Variants in CATSPERE observed in about 807,000 individuals in gnomAD.
The protein encoded by CATSPERE is catsper channel auxiliary subunit epsilon.
Under a neutral mutation model 114.1 loss-of-function variants are expected in CATSPERE, and 93 were observed. The observed-to-expected ratio is 0.81, with a 90% CI of 0.69 to 0.97. The LOEUF (loss-of-function observed/expected upper bound fraction) is 0.97. Ranked by LOEUF, CATSPERE falls within the 50% of genes least tolerant of loss-of-function variation. CATSPERE has a pLI of 0.00. For synonymous variants in CATSPERE, 341 were observed against 384.1 expected (o/e 0.89, Z 1.31); for missense variants, 1,058 against 1,131.6 (o/e 0.93, Z 0.93).
At chr1:244,475,256 TTC>T in intron 2 of CATSPERE, among the ~76,000 whole-genome samples, 1 of 152,064 alleles carries the variant, frequency 6.6e-6, no homozygotes, top group South Asian at 2.1e-4. Context: ...TTTTTTTTTT[TTC>T]TGTCTCACTC....
At chr1:244,453,131 C>T (rs140459495), upstream of CATSPERE, among the ~76,000 whole-genome samples, 9 of 152,246 alleles carry the variant, frequency 5.9e-5, no homozygotes, top group East Asian at 1.7e-3. Context: ...ACAATTCAGC[C>T]CTCAAGGATT....
At chr1:244,576,790 G>C (rs1467141618) in intron 11 of CATSPERE, among the ~76,000 whole-genome samples, 1 of 152,078 alleles carries the variant, frequency 6.6e-6, no homozygotes, top group African/African-American at 2.4e-5. Context: ...TAGTGAGCCT[G>C]CTATCTGATA....
intron 8 of CATSPERE, among the ~76,000 whole-genome samples, chr1:244,531,650 G>T (rs1462273845): frequency 6.6e-6 from 1 of 151,878 alleles, no homozygotes; most frequent in Non-Finnish European, 1.5e-5. Context: ...TGCATATGTT[G>T]AACCATCCTT....
exon 1 of CATSPERE, chr1:244,454,610 G>A (rs1665956826): frequency 6.7e-6 from 1 of 150,204 alleles, no homozygotes; most frequent in African/African-American, 2.5e-5. Flanking sequence ...TGCCGGCACA[G>A]AGGGTATGAA....
intron 19 of CATSPERE, among the ~76,000 whole-genome samples, chr1:244,614,167 GC>G: frequency 6.6e-6 from 1 of 152,274 alleles, no homozygotes; most frequent in Middle Eastern, 3.4e-3. Context: ...TCTGTTAAAA[GC>G]AACAGAAAAC....
At chr1:244,542,475 C>T (rs745607711) in intron 8 of CATSPERE, among the ~76,000 whole-genome samples, 2 of 151,994 alleles carry the variant, frequency 1.3e-5, no homozygotes, top group South Asian at 4.1e-4. Flanking sequence ...CCCTCACTCC[C>T]CTCCCACCCT....
rs997671951 is a variant in CATSPERE, at chr1:244,634,015, C to A, written c.2649-1474C>A. Among the ~76,000 whole-genome samples the A allele has an allele frequency of 2.0e-5, 3 of 151,916 alleles. No individual in the cohort carries two copies. In the South Asian group the frequency reaches 6.2e-4, roughly 32 times the overall value. ...AGTAGCTGGGATTATAGGCACAGAC[C>A]CCCACACCTGGCTAATTTTTTGTAT... On this transcript the variant is annotated intron_variant, in intron 20 of 21. Coordinates refer to ENST00000366534, the MANE Select transcript of CATSPERE (RefSeq NM_001130957.2).
chr1:244,562,354 A>T (rs1490453485), intron 10 of CATSPERE, among the ~76,000 whole-genome samples: 1 of 152,030 alleles, frequency 6.6e-6, no homozygotes, highest in Non-Finnish European at 1.5e-5. Flanking sequence ...TTAGATACAT[A>T]TTAGCCTTCA....
upstream of CATSPERE, among the ~76,000 whole-genome samples, chr1:244,459,110 A>T (rs1666416012): frequency 7.0e-6 from 1 of 142,144 alleles, no homozygotes; most frequent in African/African-American, 2.6e-5. Context: ...GACAGAGTCT[A>T]GTTCTGTCGC....
At chr1:244,525,288 A>T (rs951187435) in intron 8 of CATSPERE, among the ~76,000 whole-genome samples, 1 of 142,364 alleles carries the variant, frequency 7.0e-6, no homozygotes, top group African/African-American at 2.7e-5. Context: ...GAATTGAACA[A>T]TGAGAACACA....
At chr1:244,586,785 A>G (rs1667087662) in intron 13 of CATSPERE, among the ~76,000 whole-genome samples, 1 of 152,160 alleles carries the variant, frequency 6.6e-6, no homozygotes, top group Non-Finnish European at 1.5e-5. Flanking sequence ...GCAAGTGTGT[A>G]GACCCTGTTG....
At chr1:244,559,851 T>G (rs917025322) in intron 9 of CATSPERE, among the ~76,000 whole-genome samples, 9 of 152,228 alleles carry the variant, frequency 5.9e-5, no homozygotes, top group African/African-American at 2.2e-4. Context: ...AGAAACAATT[T>G]ATAAACAAAT....
At chr1:244,612,884 A>G (rs1254611540) in intron 19 of CATSPERE, among the ~76,000 whole-genome samples, 1 of 152,204 alleles carries the variant, frequency 6.6e-6, no homozygotes, top group African/African-American at 2.4e-5. Flanking sequence ...GCATGAAAAA[A>G]GATGGGAGAA....
At chr1:244,582,951 AT>A (rs1558539027) in intron 12 of CATSPERE, among the ~76,000 whole-genome samples, 179 of 3,650 alleles carry the variant, frequency 0.049, 4 homozygotes, top group African/African-American at 0.085. Flanking sequence ...ATATATATAT[AT>A]ATATATATAT....
chr1:244,614,420 C>T lies in CATSPERE; in HGVS notation c.2491-3109C>T, dbSNP rs117681428. 5.4e-3 allele frequency among the ~76,000 whole-genome samples: 822 copies of T among 152,324 alleles called. 18 individuals are homozygous for T. The East Asian group carries it at 0.056, about 10-fold the overall frequency. ...TGAAGCCAAAGAATCTATGACAAGC[C>T]TGTTTTCTCTGAAAGTTCCTTGACA... On this transcript the variant is annotated intron_variant, in intron 19 of 21. Coordinates refer to ENST00000366534, the MANE Select transcript of CATSPERE (RefSeq NM_001130957.2).
rs898105401 is a variant in CATSPERE at position 244,522,812 on chromosome 1, A to C, written c.536+4114A>C. On this transcript the variant is annotated intron_variant, in intron 8 of 21. Coordinates refer to ENST00000366534, the MANE Select transcript of CATSPERE (RefSeq NM_001130957.2). ...AGAAGCTGAATCTCTGAATAGACCAATAACAGGAGCTGAAATTGTGGCAAT... is the reference window on the plus strand; with the variant it reads ...AGAAGCTGAATCTCTGAATAGACCACTAACAGGAGCTGAAATTGTGGCAAT... Among the ~76,000 whole-genome samples the C allele has an allele frequency of 7.2e-4, 109 of 152,166 alleles. 1 individual carries two copies. Among genetic ancestry groups the C allele is most frequent in the Non-Finnish European group, 2.1e-4 (14 of 68,018 alleles).
Position 244,593,392 on chromosome 1 carries a change from C to T in CATSPERE, c.2190-3C>T. 6.2e-7 allele frequency: 1 copy of T among 1,611,488 alleles called. No individual in the cohort carries two copies. The highest frequency in any genetic ancestry group is 1.1e-5 in the South Asian group (1 of 90,708). On this transcript the variant is annotated splice_polypyrimidine_tract_variant and splice_region_variant and intron_variant, in intron 15 of 21. Transcript: ENST00000366534. ...GAAATAATGAGGAATGTCTTTTTCACAGGTCATATCTGAGGCATCAGCCAT... is the reference window on the plus strand; with the variant it reads ...GAAATAATGAGGAATGTCTTTTTCATAGGTCATATCTGAGGCATCAGCCAT...
In CATSPERE at chr1:244,635,566, CT is replaced by C; in HGVS notation, c.2702+27del. 3 of 1,577,802 alleles carry C rather than the reference CT, an allele frequency of 1.9e-6. No homozygotes were observed. The South Asian group carries it at 3.4e-5, about 18-fold the overall frequency. ...AGGTAAGGAGCAGGGCCTAACTGGACTTTAATTAGGGAATTTCTAAGACACA... is the reference window on the plus strand; with the variant it reads ...AGGTAAGGAGCAGGGCCTAACTGGACTTAATTAGGGAATTTCTAAGACACA... On this transcript the variant is annotated intron_variant, in intron 21 of 21. Transcript: ENST00000366534.
At position 244,583,940 on chromosome 1, in the gene CATSPERE, G is replaced by C; in HGVS notation, c.2085+1G>C. The C allele has an allele frequency of 6.2e-7, 1 of 1,613,858 alleles. No individual in the cohort carries two copies. The highest frequency in any genetic ancestry group is 8.5e-7 in the Non-Finnish European group (1 of 1,179,848). ...AAAAGCATGTCCAATAGCCCAAAAGGTAAGCGACATGGGCTGAAGACCCAA... is the reference window on the plus strand; with the variant it reads ...AAAAGCATGTCCAATAGCCCAAAAGCTAAGCGACATGGGCTGAAGACCCAA... On this transcript the variant is annotated splice_donor_variant, in intron 13 of 21. Coordinates refer to ENST00000366534, the MANE Select transcript of CATSPERE (RefSeq NM_001130957.2). LOFTEE classifies it high-confidence loss of function.
Sources: allele counts gnomAD v4.1 joint callset (sites outside exome capture counted in the v4.1 genomes callset), GRCh38; gene constraint gnomAD v4.1.1; transcripts MANE v1.5; gene names NCBI Gene and HGNC (gene_info 2026-07-23, HGNC 2026-07-21).